DYM: variants seen among roughly 807,000 people sequenced by gnomAD.
DYM encodes dymeclin, also known as dyggve-Melchior-Clausen syndrome protein.
DYM carries 78 observed loss-of-function variants against 93.1 expected under a neutral mutation model. The observed-to-expected ratio is 0.84, with a 90% CI of 0.70 to 1.01. The LOEUF is 1.01. Among genes scored for constraint, DYM ranks in the 50% least tolerant of loss-of-function variants. The pLI, the probability that DYM is intolerant of heterozygous loss-of-function variation, is 0.00. For synonymous variants in DYM, 321 were observed against 319.7 expected (o/e 1.00, Z -0.04); for missense variants, 789 against 845.0 (o/e 0.93, Z 0.82).
At chr18:49,186,031 A>G (rs1392387508) in intron 14 of DYM, among the ~76,000 whole-genome samples, 1 of 152,140 alleles carries the variant, frequency 6.6e-6, no homozygotes, top group East Asian at 1.9e-4. Flanking sequence ...GTGATCTATT[A>G]ATGAATTCCA....
At chr18:49,086,482 C>A (rs2078539360) in intron 17 of DYM, among the ~76,000 whole-genome samples, 2 of 152,218 alleles carry the variant, frequency 1.3e-5, no homozygotes, top group Admixed American at 1.3e-4. Flanking sequence ...CTCAATACGG[C>A]TGCACTGGGG....
intron 14 of DYM, chr18:49,206,602 G>A (rs1003885984): frequency 2.6e-5 from 4 of 152,324 alleles, no homozygotes; most frequent in African/African-American, 9.6e-5. Flanking sequence ...ATTCAGGTCT[G>A]TCCTGAATAG....
chr18:49,047,768 AT>A (rs2071809478), intron 17 of DYM, among the ~76,000 whole-genome samples: 2 of 152,170 alleles, frequency 1.3e-5, no homozygotes, highest in Non-Finnish European at 2.9e-5. Flanking sequence ...TTGTCATGGA[AT>A]CAGGTGTCTA....
intron 13 of DYM, among the ~76,000 whole-genome samples, chr18:49,242,596 C>A (rs2094044429): frequency 6.6e-6 from 1 of 152,170 alleles, no homozygotes; most frequent in Non-Finnish European, 1.5e-5. Flanking sequence ...TTTTCATCAC[C>A]TTGTGGGAGT....
In DYM at chr18:49,201,591, C is replaced by T. The variant is rs1271075763; in HGVS notation, c.1625+7960G>A. Reference sequence around the variant, plus strand: ...GGCCTGGCCTAGCATTCAAGGCCCTCGAGAGTCTGGCCCTGGAGAATGTAA... The same window carrying T: ...GGCCTGGCCTAGCATTCAAGGCCCTTGAGAGTCTGGCCCTGGAGAATGTAA... On this transcript the variant is annotated intron_variant, in intron 14 of 17. Coordinates refer to ENST00000675505, the MANE Select transcript of DYM (RefSeq NM_001353214.3). 3.3e-5 allele frequency among the ~76,000 whole-genome samples: 5 copies of T among 152,174 alleles called. No homozygotes were observed. The East Asian group carries it at 5.8e-4, about 18-fold the overall frequency.
At chr18:49,450,438 C>T (rs1286911936) in intron 1 of DYM, among the ~76,000 whole-genome samples, 1 of 152,040 alleles carries the variant, frequency 6.6e-6, no homozygotes, top group Non-Finnish European at 1.5e-5. Context: ...AGATTTTTTC[C>T]TTTTGTGACA....
intron 16 of DYM, among the ~76,000 whole-genome samples, chr18:49,100,606 C>T (rs1272461888): frequency 6.6e-6 from 1 of 152,144 alleles, no homozygotes; most frequent in African/African-American, 2.4e-5. Flanking sequence ...TTCAAACTCA[C>T]ATGATTTTAG....
intron 10 of DYM, among the ~76,000 whole-genome samples, chr18:49,279,482 G>T (rs2094919227): frequency 6.6e-6 from 1 of 152,154 alleles, no homozygotes; most frequent in Non-Finnish European, 1.5e-5. Flanking sequence ...GACAGATGGA[G>T]CATAAATTAA....
At chr18:49,201,174 C>T (rs2091956725) in intron 14 of DYM, among the ~76,000 whole-genome samples, 1 of 152,070 alleles carries the variant, frequency 6.6e-6, no homozygotes. Flanking sequence ...AAATATAAAC[C>T]ACACAAATGA....
chr18:49,391,718 A>G, intron 2 of DYM, 73 bp from the exon 3 acceptor site: 1 of 1,263,860 alleles, frequency 7.9e-7, no homozygotes, highest in Non-Finnish European at 1.1e-6. Flanking sequence ...AGTTAAAGAA[A>G]TATATAAAGA....
At chr18:49,239,402 G>A (rs1266669108) in intron 13 of DYM, among the ~76,000 whole-genome samples, 1 of 152,186 alleles carries the variant, frequency 6.6e-6, no homozygotes, top group East Asian at 1.9e-4. Flanking sequence ...CAGTCTTGTG[G>A]CAGCTAGCAT....
intron 8 of DYM, among the ~76,000 whole-genome samples, chr18:49,320,432 G>T (rs1412592643): frequency 6.6e-6 from 1 of 152,040 alleles, no homozygotes; most frequent in Non-Finnish European, 1.5e-5. Context: ...ATTAATGTAT[G>T]TCAAAGTTAA....
At chr18:49,184,556 T>C (rs992905533) in intron 14 of DYM, among the ~76,000 whole-genome samples, 1 of 152,080 alleles carries the variant, frequency 6.6e-6, no homozygotes, top group African/African-American at 2.4e-5. Context: ...CCCAAAACCA[T>C]GGATAGTAGC....
chr18:49,419,453 G>C (rs1437461376), intron 2 of DYM, among the ~76,000 whole-genome samples: 1 of 151,984 alleles, frequency 6.6e-6, no homozygotes, highest in East Asian at 1.9e-4. Context: ...TAAACTGTGA[G>C]GCACTGGCAC....
chr18:49,436,150 TTACAGA>T (rs2080841100), intron 1 of DYM, among the ~76,000 whole-genome samples: 1 of 152,248 alleles, frequency 6.6e-6, no homozygotes, highest in African/African-American at 2.4e-5. Flanking sequence ...GTAGGTGGGA[TTACAGA>T]TACATGCCAT....
At chr18:49,104,025 T>C (rs1416444337) in intron 16 of DYM, among the ~76,000 whole-genome samples, 6 of 152,192 alleles carry the variant, frequency 3.9e-5, no homozygotes, top group Admixed American at 3.9e-4. Context: ...ATCACGATAT[T>C]GATTCTTCCT....
rs550928194 is a variant in DYM at position 49,124,282 on chromosome 18, A to C, written c.1729-5356T>G. On this transcript the variant is annotated intron_variant, in intron 15 of 17. Coordinates refer to ENST00000675505, the MANE Select transcript of DYM (RefSeq NM_001353214.3). Reference sequence around the variant, plus strand: ...CATTTGGGGAGACTGAGGCAGGAGGATCACTTGAGGCCAGGAGTCAAAAGC... The same window carrying C: ...CATTTGGGGAGACTGAGGCAGGAGGCTCACTTGAGGCCAGGAGTCAAAAGC... Among the ~76,000 whole-genome samples, 6 of 152,256 alleles carry C rather than the reference A, an allele frequency of 3.9e-5. No individual in the cohort carries two copies. The South Asian group carries it at 1.2e-3, about 32-fold the overall frequency.
chr18:49,402,308 C>T (rs1011076620), intron 2 of DYM, among the ~76,000 whole-genome samples: 2 of 152,098 alleles, frequency 1.3e-5, no homozygotes, highest in African/African-American at 2.4e-5. Context: ...AGTCATTAAG[C>T]ACAAAATAAA....
intron 17 of DYM, among the ~76,000 whole-genome samples, chr18:49,045,401 T>C (rs375211347): frequency 1.4e-4 from 21 of 152,206 alleles, no homozygotes; most frequent in Non-Finnish European, 2.1e-4. Context: ...CAACCAAGTA[T>C]TGAGGGCCAA....
Sources: gnomAD v4.1 joint callset for allele counts (sites outside exome capture counted in the v4.1 genomes callset) on GRCh38, gnomAD v4.1.1 for gene constraint, MANE v1.5 for transcripts, NCBI Gene and HGNC (gene_info 2026-07-23, HGNC 2026-07-21) for gene names.